KCNH8: variants seen among roughly 807,000 people sequenced by gnomAD.
KCNH8 encodes the protein potassium voltage-gated channel subfamily H member 8, also known as voltage-gated delayed rectifier potassium channel KCNH8.
KCNH8 carries 70 observed loss-of-function variants against 103.6 expected under a neutral mutation model. The observed-to-expected ratio is 0.68, with a 90% CI of 0.56 to 0.82. The LOEUF is 0.82. Ranked by LOEUF, KCNH8 falls within the 40% of genes least tolerant of loss-of-function variation. The probability of loss-of-function intolerance (pLI) is 0.00; values close to 1 mark genes in which losing one functional copy is unlikely to be tolerated. For synonymous variants in KCNH8, 498 were observed against 489.4 expected (o/e 1.02, Z -0.23); for missense variants, 1,217 against 1,329.9 (o/e 0.92, Z 1.32).
chr3:19,508,905 C>T (rs1267869105), intron 11 of KCNH8, among the ~76,000 whole-genome samples: 3 of 152,170 alleles, frequency 2.0e-5, no homozygotes, highest in African/African-American at 7.2e-5. Flanking sequence ...GATGCTAAGG[C>T]CAGCATCTTT....
chr3:19,171,834 T>C (rs1176051359), intron 1 of KCNH8, among the ~76,000 whole-genome samples: 1 of 152,194 alleles, frequency 6.6e-6, no homozygotes, highest in Non-Finnish European at 1.5e-5. Flanking sequence ...ACAAGTCACA[T>C]GCAATTTTAC....
rs1294057031 is a variant in KCNH8, at chr3:19,534,795, A to T, written c.*696A>T. ...AAAAAAGCTTGCTGTTTTAACAAGA[A>T]ATGCACTACTGTTGTGTATAGTAGA... is the stretch of plus-strand genomic sequence containing the variant. On this transcript the variant is annotated 3_prime_UTR_variant, in exon 16 of 16. Transcript: ENST00000328405. 1 of 152,446 alleles carries T rather than the reference A, an allele frequency of 6.6e-6. No homozygotes were observed. The highest frequency in any genetic ancestry group is 2.4e-5 in the African/African-American group (1 of 41,454). The allele number at this position is 152,446 out of a possible 1,614,324, so 9.4% of individuals were successfully genotyped here. A position where few individuals can be genotyped will look rare whatever the true frequency, so the allele number is the denominator to read the frequency against.
intron 1 of KCNH8, among the ~76,000 whole-genome samples, chr3:19,197,075 T>C (rs2063609437): frequency 6.6e-6 from 1 of 152,052 alleles, no homozygotes; most frequent in Non-Finnish European, 1.5e-5. Flanking sequence ...AAGCTCATTT[T>C]CTCCAATCTG....
chr3:19,394,990 T>C, intron 6 of KCNH8, 114 bp from the exon 7 acceptor site: 1 of 745,292 alleles, frequency 1.3e-6, no homozygotes, highest in Non-Finnish European at 2.4e-6. Flanking sequence ...ATAAAAATAA[T>C]AATATGAAAA....
intron 1 of KCNH8, among the ~76,000 whole-genome samples, chr3:19,220,308 A>G (rs2063860082): frequency 2.0e-5 from 3 of 152,230 alleles, no homozygotes. Context: ...TGCAGGTTGC[A>G]TCACCACCCA....
chr3:19,480,552 A>C (rs1559348129), intron 11 of KCNH8, among the ~76,000 whole-genome samples: 1 of 152,192 alleles, frequency 6.6e-6, no homozygotes, highest in Non-Finnish European at 1.5e-5. Context: ...TGAATAGCCA[A>C]AGTCAGGTAT....
intron 1 of KCNH8, among the ~76,000 whole-genome samples, chr3:19,172,034 T>A (rs1203566690): frequency 6.6e-6 from 1 of 152,154 alleles, no homozygotes; most frequent in African/African-American, 2.4e-5. Flanking sequence ...ACTGTGTAGA[T>A]AGTTGCTGTC....
chr3:19,475,515 C>T (rs2067955324), intron 11 of KCNH8, among the ~76,000 whole-genome samples: 1 of 152,140 alleles, frequency 6.6e-6, no homozygotes, highest in Non-Finnish European at 1.5e-5. Flanking sequence ...ACCCTTCTTC[C>T]CACAAATCTT....
At chr3:19,502,311 T>C (rs1236655188) in intron 11 of KCNH8, among the ~76,000 whole-genome samples, 13 of 150,620 alleles carry the variant, frequency 8.6e-5, no homozygotes, top group Non-Finnish European at 1.9e-4. Context: ...TGCTCATGGG[T>C]AGGAAGAATC....
At chr3:19,369,578 C>T (rs2066059452) in intron 5 of KCNH8, among the ~76,000 whole-genome samples, 1 of 152,022 alleles carries the variant, frequency 6.6e-6, no homozygotes, top group East Asian at 1.9e-4. Flanking sequence ...TAAATTTATG[C>T]AAGTGAATTC....
At chr3:19,274,857 TCCCCA>T (rs2064642853) in intron 2 of KCNH8, among the ~76,000 whole-genome samples, 1 of 7,908 alleles carries the variant, frequency 1.3e-4, no homozygotes, top group Non-Finnish European at 2.3e-4. Flanking sequence ...TCCCCTCCCC[TCCCCA>T]CCCCTCCCCT....
chr3:19,283,814 G>A (rs111690611), intron 3 of KCNH8, among the ~76,000 whole-genome samples: 174 of 150,744 alleles, frequency 1.2e-3, no homozygotes, highest in African/African-American at 4.0e-3. Context: ...ATGGTGGTGC[G>A]CACTTGTAGT....
intron 3 of KCNH8, among the ~76,000 whole-genome samples, chr3:19,284,546 TGTGTGTGA>T (rs1346431038): frequency 1.0e-3 from 155 of 147,622 alleles, no homozygotes; most frequent in Non-Finnish European, 1.7e-3. Context: ...TGTGTGTGTG[TGTGTGTGA>T]GGGAGAGAGA....
chr3:19,477,678 G>A (rs1430538855), intron 11 of KCNH8, among the ~76,000 whole-genome samples: 4 of 152,126 alleles, frequency 2.6e-5, no homozygotes, highest in African/African-American at 9.7e-5. Context: ...AGAATTAAGA[G>A]AGATGCATGA....
At position 19,324,573 on chromosome 3, in the gene KCNH8, C is replaced by T. The variant is rs944018951; in HGVS notation, c.443-18014C>T. 1.2e-4 allele frequency among the ~76,000 whole-genome samples: 19 copies of T among 152,154 alleles called. 1 individual carries two copies. Among genetic ancestry groups the T allele is most frequent in the Middle Eastern group, 3.4e-3 (1 of 294 alleles). ...ACACAGAATCAAACCTTACCATGAA[C>T]GAATTCTCACTCACAGTTGCTACAA... On this transcript the variant is annotated intron_variant, in intron 3 of 15. Coordinates refer to ENST00000328405, the MANE Select transcript of KCNH8 (RefSeq NM_144633.3).
In KCNH8 at chr3:19,334,285, G is replaced by A. The variant is rs562410650; in HGVS notation, c.443-8302G>A. On this transcript the variant is annotated intron_variant, in intron 3 of 15. Transcript: ENST00000328405. ...AGTCCTGAGCAGGCATCTGGCCAGT[G>A]TAGCATAACATGCGCTACAACTCAG... Among the ~76,000 whole-genome samples the A allele has an allele frequency of 3.7e-3, 556 of 152,214 alleles. 4 individuals are homozygous for A. Among genetic ancestry groups the A allele is most frequent in the African/African-American group, 0.012 (478 of 41,540 alleles).
chr3:19,443,112 G>A (rs1164399204), intron 8 of KCNH8, among the ~76,000 whole-genome samples: 7 of 151,292 alleles, frequency 4.6e-5, no homozygotes, highest in Non-Finnish European at 7.4e-5. Flanking sequence ...TGTTACCATA[G>A]ACTTAAGTCT....
intron 11 of KCNH8, among the ~76,000 whole-genome samples, chr3:19,462,947 G>T (rs1235153587): frequency 1.3e-5 from 2 of 152,122 alleles, no homozygotes; most frequent in East Asian, 3.9e-4. Context: ...GTCAAAGATA[G>T]ATGTGTGAGA....
chr3:19,280,755 T>C (rs1197149675), intron 2 of KCNH8, among the ~76,000 whole-genome samples: 3 of 152,084 alleles, frequency 2.0e-5, no homozygotes, highest in Non-Finnish European at 4.4e-5. Context: ...TTTTTTATTT[T>C]AGCATTCTGT....
Sources: gnomAD v4.1 joint callset for allele counts (sites outside exome capture counted in the v4.1 genomes callset) on GRCh38, gnomAD v4.1.1 for gene constraint, MANE v1.5 for transcripts, NCBI Gene and HGNC (gene_info 2026-07-23, HGNC 2026-07-21) for gene names.